PRSS36: variants seen among roughly 807,000 people sequenced by gnomAD.
The protein encoded by PRSS36 is polyserase-2.
A neutral mutation model predicts 94.3 loss-of-function variants in PRSS36; 90 were observed. That is an observed-to-expected ratio of 0.95 (90% CI 0.80 to 1.14). The LOEUF (loss-of-function observed/expected upper bound fraction) is 1.14, where lower values mean the gene tolerates loss of function less well. PRSS36 is among the 50% of genes most tolerant of loss of function. The pLI is 0.00. For synonymous variants in PRSS36, 500 were observed against 489.6 expected (o/e 1.02, Z -0.28); for missense variants, 1,158 against 1,135.0 (o/e 1.02, Z -0.29).
chr16:31,143,953 T>C, intron 6 of PRSS36, 116 bp from the exon 7 acceptor site: 3 of 1,328,118 alleles, frequency 2.3e-6, no homozygotes, highest in Non-Finnish European at 3.1e-6. Flanking sequence ...AAACCCTCCT[T>C]GGCTAGGCCT....
At position 31,141,740 on chromosome 16, in the gene PRSS36, G is replaced by T; in HGVS notation, c.1742C>A (p.Pro581Gln). 1 of 1,613,582 alleles carries T rather than the reference G, an allele frequency of 6.2e-7. No homozygotes were observed. Among genetic ancestry groups the T allele is most frequent in the Non-Finnish European group, 8.5e-7 (1 of 1,179,532 alleles). The change falls in exon 11 of 15, where the codon CCA (proline) becomes CAA (glutamine). Residue 581 changes from proline to glutamine, a missense_variant. Pro to Gln is a moderately conservative substitution (Grantham distance 76, BLOSUM62 -1). Transcript: ENST00000268281. ...CTGCTCACCACCATGCTCTGTGTGT[G>T]GGGGACAAGTCTGTGTCTCAGTCTC... is the stretch of plus-strand genomic sequence containing the variant. ...GEETETQTCP[P>Q]HTEHGACGLR... is the part of the protein sequence containing the mutation.
rs752121681 is a variant in PRSS36 at position 31,149,212 on chromosome 16, C to T, written c.133G>A (p.Ala45Thr). The T allele has an allele frequency of 3.8e-6, 6 of 1,563,238 alleles. No individual in the cohort carries two copies. In the African/African-American group the frequency reaches 8.1e-5, roughly 21 times the overall value. The change falls in exon 4 of 15, where the codon GCC (alanine) becomes ACC (threonine). Residue 45 changes from alanine to threonine, a missense_variant. Physicochemically the swap from Ala to Thr is moderately conservative, Grantham distance 58. Transcript: ENST00000268281. ...GCGTTTGAGCCCCCCACGATGCGGG[C>T]CGAGGGCTCAGGGCGCCCGCAGTCT... is the stretch of plus-strand genomic sequence containing the variant. Reference protein sequence around the residue: ...DLDCGRPEPSARIVGGSNAQP... With the variant: ...DLDCGRPEPSTRIVGGSNAQP...
intron 10 of PRSS36, 45 bp downstream of exon 10, chr16:31,142,436 G>GC: frequency 7.1e-7 from 1 of 1,411,318 alleles, no homozygotes. Flanking sequence ...TCTTCCTAGA[G>GC]CCCTCTCGGG....
chr16:31,149,264 C>T (rs1453580178), intron 3 of PRSS36, 29 bp from the exon 4 acceptor site: 6 of 1,532,974 alleles, frequency 3.9e-6, no homozygotes, highest in Non-Finnish European at 5.3e-6. Flanking sequence ...GAAGCCAAAG[C>T]TCCCCTCGGG....
intron 2 of PRSS36, 33 bp from the exon 3 acceptor site, chr16:31,149,531 T>A: frequency 6.2e-7 from 1 of 1,613,296 alleles, no homozygotes; most frequent in African/African-American, 1.3e-5. Flanking sequence ...AGGAGGACAC[T>A]TGTGACTTCC....
In PRSS36 at chr16:31,148,573, G is replaced by A; in HGVS notation, c.375C>T (p.Ile125=). 1.2e-6 allele frequency: 2 copies of A among 1,609,312 alleles called. No homozygotes were observed. Among genetic ancestry groups the A allele is most frequent in the Non-Finnish European group, 8.5e-7 (1 of 1,178,522 alleles). The change falls in exon 5 of 15, where the codon ATC becomes ATT. Residue 125 remains isoleucine, a synonymous_variant. Coordinates refer to ENST00000268281, the MANE Select transcript of PRSS36 (RefSeq NM_173502.5). ...CTTGGCTGTAGTTGGCCGGCACCAC[G>A]ATGGCGGCCACTGCGCGGGTGTGCG... The part of the protein sequence containing the change: ...DGAHTRAVAA[I]VVPANYSQVE...
In PRSS36 at chr16:31,142,474, C is replaced by T; in HGVS notation, c.1521+7G>A. On this transcript the variant is annotated splice_region_variant and intron_variant, in intron 10 of 14. Coordinates refer to ENST00000268281, the MANE Select transcript of PRSS36 (RefSeq NM_173502.5). ...CGCGTTCCGCGGGCCCCGCCCCCGC[C>T]GCTTACCCAGCAGCTGCCCACCTCC... 4.8e-6 allele frequency: 7 copies of T among 1,451,790 alleles called. No homozygotes were observed. The highest frequency in any genetic ancestry group is 2.6e-5 in the East Asian group (1 of 37,982). 89.9% of individuals were successfully genotyped at this position (1,451,790 alleles called of 1,614,324 possible).
Position 31,148,480 on chromosome 16 carries a change from C to A in PRSS36, c.468G>T (p.Trp156Cys). ...GTGAGGCGCGGGGCAGGCAGACAGG[C>A]CACACGGCGGGGCCCAGGCTGGCGG... The part of the protein sequence containing the change: ...ASPASLGPAV[W>C]PVCLPRASHR... Residue 156 changes from tryptophan (W) to cysteine (C), a missense_variant, in exon 5 of 15, where the codon TGG becomes TGT. Physicochemically the swap from Trp to Cys is radical, Grantham distance 215 (BLOSUM62 -2). Transcript: ENST00000268281. 1.9e-6 allele frequency: 3 copies of A among 1,576,588 alleles called. No homozygotes were observed. Among genetic ancestry groups the A allele is most frequent in the South Asian group, 2.3e-5 (2 of 88,608 alleles).
At chr16:31,140,986 G>A (rs536861924) in intron 12 of PRSS36, among the ~76,000 whole-genome samples, 1 of 152,198 alleles carries the variant, frequency 6.6e-6, no homozygotes, top group South Asian at 2.1e-4. Flanking sequence ...GTGCAGTGGC[G>A]CAATCTTGGC....
chr16:31,139,485 G>T, intron 14 of PRSS36, 69 bp from the exon 15 acceptor site: 1 of 1,550,282 alleles, frequency 6.5e-7, no homozygotes, highest in Non-Finnish European at 8.7e-7. Context: ...CTTTCCCCAG[G>T]GTCTGGCCAC....
rs2057668292 is a variant in PRSS36 at position 31,140,533 on chromosome 16, G to GC, written c.2125dup (p.Ala709GlyfsTer30). 1.3e-6 allele frequency: 2 copies of GC among 1,576,938 alleles called. No individual in the cohort carries two copies. Among genetic ancestry groups the GC allele is most frequent in the Admixed American group, 1.8e-5 (1 of 56,444 alleles). ...TTTCCAGCCCAACACCCAGCAGCTG[G>GC]CCCCCGGGGGGATACCCGCCGGGTG... On this transcript the variant is annotated frameshift_variant, in exon 13 of 15. Transcript: ENST00000268281. LOFTEE classifies it high-confidence loss of function.
Position 31,140,619 on chromosome 16 carries a change from C to G in PRSS36, c.2040G>C (p.Leu680=), listed in dbSNP as rs753036894. The G allele has an allele frequency of 1.9e-6, 3 of 1,611,828 alleles. No individual in the cohort carries two copies. The highest frequency in any genetic ancestry group is 1.7e-5 in the Admixed American group (1 of 59,738). The part of the protein sequence containing the change: ...LPQHLGLRPP[L]ALLELSSRVE... ...CCCGGGAGCTCAGCTCCAGGAGGGC[C>G]AGGGGGGGCCTGAGTCCCAGGTGCT... The change falls in exon 13 of 15, where the codon CTG becomes CTC. Residue 680 remains leucine, a synonymous_variant. Coordinates refer to ENST00000268281, the MANE Select transcript of PRSS36 (RefSeq NM_173502.5).
intron 10 of PRSS36, 88 bp from the exon 11 acceptor site, chr16:31,142,048 TC>T (rs2057703670): frequency 8.3e-7 from 1 of 1,201,440 alleles, no homozygotes; most frequent in Admixed American, 1.9e-5. Context: ...CTCCAGATTT[TC>T]CCATTTGCGG....
chr16:31,145,464 C>T (rs1368128659), intron 6 of PRSS36, among the ~76,000 whole-genome samples: 3 of 151,136 alleles, frequency 2.0e-5, no homozygotes, highest in African/African-American at 4.9e-5. Flanking sequence ...CTTGGCCAGG[C>T]GCAAGTGAAT....
chr16:31,149,072 C>T lies in PRSS36; in HGVS notation c.272+1G>A, dbSNP rs757687217. The T allele has an allele frequency of 6.3e-6, 10 of 1,591,260 alleles. No homozygotes were observed. The highest frequency in any genetic ancestry group is 3.4e-5 in the South Asian group (3 of 87,422). Reference sequence around the variant, plus strand: ...GGGCCAGGACCAGGGCGAATACTCACGTCATGAAACAGTGAGCAGCGGAGA... The same window carrying T: ...GGGCCAGGACCAGGGCGAATACTCATGTCATGAAACAGTGAGCAGCGGAGA... On this transcript the variant is annotated splice_donor_variant, in intron 4 of 14. Coordinates refer to ENST00000268281, the MANE Select transcript of PRSS36 (RefSeq NM_173502.5). LOFTEE classifies it high-confidence loss of function.
Position 31,141,376 on chromosome 16 carries a change from T to TAAACAAACAAAC in PRSS36, c.1901+81_1901+92dup, listed in dbSNP as rs150305650. 5,497 of 1,350,440 alleles carry TAAACAAACAAAC rather than the reference T, an allele frequency of 4.1e-3. 32 individuals are homozygous for TAAACAAACAAAC. The highest frequency in any genetic ancestry group is 8.9e-3 in the Middle Eastern group (47 of 5,288). The allele number at this position is 1,350,440 out of a possible 1,614,324, so 83.7% of individuals were successfully genotyped here. A position where few individuals can be genotyped will look rare whatever the true frequency, so the allele number is the denominator to read the frequency against. On this transcript the variant is annotated intron_variant, in intron 12 of 14. Transcript: ENST00000268281. ...GCAAGATCTCATTGTTAATTTTTTT[T>TAAACAAACAAAC]AAACAAACAAACAAACAAATAACAA...
intron 4 of PRSS36, 108 bp downstream of exon 4, chr16:31,148,965 G>T: frequency 7.8e-7 from 1 of 1,281,252 alleles, no homozygotes; most frequent in Non-Finnish European, 1.1e-6. Flanking sequence ...GGACAGCTTG[G>T]CTCCAAATTA....
In PRSS36 at chr16:31,139,605, T is replaced by C. The variant is rs190006541; in HGVS notation, c.2290-189A>G. Among the ~76,000 whole-genome samples the C allele has an allele frequency of 6.5e-3, 980 of 151,924 alleles. 7 individuals are homozygous for C. Among genetic ancestry groups the C allele is most frequent in the Non-Finnish European group, 0.012 (794 of 67,916 alleles). On this transcript the variant is annotated intron_variant, in intron 14 of 14. Coordinates refer to ENST00000268281, the MANE Select transcript of PRSS36 (RefSeq NM_173502.5). ...CCCAATAATTCCAATCCTGGCCAGG[T>C]GCAGTGGCTCACACCTCTAATCCCA...
chr16:31,148,324 C>G, intron 5 of PRSS36, 71 bp downstream of exon 5: 1 of 1,436,886 alleles, frequency 7.0e-7, no homozygotes, highest in Non-Finnish European at 9.1e-7. Flanking sequence ...TCCTGAGGCC[C>G]CGCCCTAGGA....
Sources: gnomAD v4.1 joint callset for allele counts (sites outside exome capture counted in the v4.1 genomes callset) on GRCh38, gnomAD v4.1.1 for gene constraint, MANE v1.5 for transcripts, NCBI Gene and HGNC (gene_info 2026-07-23, HGNC 2026-07-21) for gene names.